Variants in TMEM132D observed in about 807,000 individuals in gnomAD.
The protein encoded by TMEM132D is transmembrane protein 132D.
A neutral mutation model predicts 62.3 loss-of-function variants in TMEM132D; 21 were observed. The observed-to-expected ratio is 0.34, with a 90% CI of 0.24 to 0.49. TMEM132D has a LOEUF of 0.49. Ranked by LOEUF, TMEM132D falls within the 20% of genes least tolerant of loss-of-function variation. TMEM132D has a pLI of 0.99. For missense variants in TMEM132D, 1,346 were observed against 1,402.8 expected, an observed-to-expected ratio of 0.96 and a Z score of 0.65; for synonymous variants, 621 against 575.6, an observed-to-expected ratio of 1.08 and a Z score of -1.13.
At chr12:129,593,034 A>T (rs1878238291) in intron 2 of TMEM132D, among the ~76,000 whole-genome samples, 1 of 152,186 alleles carries the variant, frequency 6.6e-6, no homozygotes, top group African/African-American at 2.4e-5. Flanking sequence ...ACATGGAGGT[A>T]TGGAAGTTAC....
intron 2 of TMEM132D, among the ~76,000 whole-genome samples, chr12:129,673,443 C>CT (rs1220100763): frequency 2.6e-5 from 4 of 152,166 alleles, no homozygotes; most frequent in Non-Finnish European, 5.9e-5. Flanking sequence ...ATCATAAAAA[C>CT]TTTTTACATT....
intron 3 of TMEM132D, among the ~76,000 whole-genome samples, chr12:129,356,654 C>CAAAAAATAAATAAATAAATA (rs34719078): frequency 1.8e-4 from 21 of 116,104 alleles, no homozygotes; most frequent in Non-Finnish European, 3.5e-4. Context: ...CCTGTCTCTA[C>CAAAAAATAAATAAATAAATA]AATAAATAAA....
chr12:129,709,543 G>C (rs138343863), intron 1 of TMEM132D, among the ~76,000 whole-genome samples: 221 of 152,282 alleles, frequency 1.5e-3, no homozygotes, highest in African/African-American at 5.0e-3. Context: ...CAAAGAAGTA[G>C]AAGCAAAAGG....
chr12:129,656,251 GA>G (rs778779824), intron 2 of TMEM132D, among the ~76,000 whole-genome samples: 4 of 150,898 alleles, frequency 2.7e-5, no homozygotes, highest in Non-Finnish European at 4.4e-5. Flanking sequence ...AGGAAGAAAA[GA>G]ATGAAGGAAG....
intron 1 of TMEM132D, among the ~76,000 whole-genome samples, chr12:129,765,138 T>C (rs971996215): frequency 3.3e-5 from 5 of 152,170 alleles, no homozygotes; most frequent in African/African-American, 1.2e-4. Flanking sequence ...AGGAAAATAT[T>C]TGTGCTTCAG....
chr12:129,699,903 A>G lies in TMEM132D; in HGVS notation c.875T>C (p.Ile292Thr). The G allele has an allele frequency of 6.2e-7, 1 of 1,614,136 alleles. No individual in the cohort carries two copies. Among genetic ancestry groups the G allele is most frequent in the Non-Finnish European group, 8.5e-7 (1 of 1,180,020 alleles). Residue 292 changes from isoleucine to threonine, a missense_variant, in exon 2 of 9, where the codon ATC (isoleucine) becomes ACC (threonine). Physicochemically the swap from Ile to Thr is moderately conservative, Grantham distance 89. Transcript: ENST00000422113. ...CCTCACGGTCTTTGGTATATAGTGG[A>G]TGGCCACGCTGTTGTCCAGACGCAG... The part of the protein sequence containing the change: ...RELRLDNSVA[I>T]HYIPKTVRKG...
At chr12:129,716,501 T>G (rs989745607) in intron 1 of TMEM132D, among the ~76,000 whole-genome samples, 3 of 152,200 alleles carry the variant, frequency 2.0e-5, no homozygotes, top group African/African-American at 7.2e-5. Context: ...TGCACTGAAT[T>G]TAGCCCAGAA....
At chr12:129,710,418 C>G (rs865888108) in intron 1 of TMEM132D, among the ~76,000 whole-genome samples, 7 of 152,108 alleles carry the variant, frequency 4.6e-5, no homozygotes, top group African/African-American at 1.7e-4. Flanking sequence ...GCCTCAGCCT[C>G]CCAAGTAGCT....
In TMEM132D at chr12:129,406,513, G is replaced by A. The variant is rs548012603; in HGVS notation, c.1116-68696C>T. On this transcript the variant is annotated intron_variant, in intron 3 of 8. Coordinates refer to ENST00000422113, the MANE Select transcript of TMEM132D (RefSeq NM_133448.3). ...CATGTGCCTGTAATCCCAGCTACTC[G>A]GGAGGCTAAGGCAGGAGAATGGCGT... is the stretch of plus-strand genomic sequence containing the variant. Among the ~76,000 whole-genome samples, 10 of 152,078 alleles carry A rather than the reference G, an allele frequency of 6.6e-5. No individual in the cohort carries two copies. The East Asian group carries it at 7.8e-4, about 12-fold the overall frequency.
At chr12:129,714,685 G>A (rs1407982221) in intron 1 of TMEM132D, among the ~76,000 whole-genome samples, 4 of 152,144 alleles carry the variant, frequency 2.6e-5, no homozygotes, top group South Asian at 2.1e-4. Context: ...ACTGTACATT[G>A]TAAATATATA....
chr12:129,288,850 T>C (rs1881371694), intron 4 of TMEM132D, among the ~76,000 whole-genome samples: 1 of 151,990 alleles, frequency 6.6e-6, no homozygotes, highest in Non-Finnish European at 1.5e-5. Context: ...AGTGAATGAG[T>C]AGATGAAGAA....
rs897689933 is a variant in TMEM132D, at chr12:129,553,124, C to T, written c.969-21919G>A. Among the ~76,000 whole-genome samples the T allele has an allele frequency of 3.9e-5, 6 of 152,122 alleles. No individual in the cohort carries two copies. The East Asian group carries it at 5.8e-4, about 15-fold the overall frequency. On this transcript the variant is annotated intron_variant, in intron 2 of 8. Transcript: ENST00000422113. ...CCAGGCTCTTCCCCTTTTGAGACTC[C>T]GAGAGTGTTGCGCGTTTGCTCCCAG...
intron 3 of TMEM132D, among the ~76,000 whole-genome samples, chr12:129,394,173 T>C (rs1389031763): frequency 6.6e-6 from 1 of 152,112 alleles, no homozygotes; most frequent in African/African-American, 2.4e-5. Flanking sequence ...TCCTCAGTGA[T>C]GGGTGGGAAA....
At chr12:129,162,061 G>C (rs1877415171) in intron 5 of TMEM132D, among the ~76,000 whole-genome samples, 1 of 152,102 alleles carries the variant, frequency 6.6e-6, no homozygotes, top group Admixed American at 6.5e-5. Flanking sequence ...GAGGGTTATG[G>C]GCTGAACTGT....
chr12:129,552,645 A>T (rs902514529), intron 2 of TMEM132D, among the ~76,000 whole-genome samples: 1 of 152,078 alleles, frequency 6.6e-6, no homozygotes, highest in Admixed American at 6.5e-5. Context: ...ACCTATCTAC[A>T]TAGCATCTAT....
intron 2 of TMEM132D, among the ~76,000 whole-genome samples, chr12:129,593,152 A>T (rs1878241568): frequency 6.6e-6 from 1 of 152,224 alleles, no homozygotes; most frequent in African/African-American, 2.4e-5. Context: ...TTTAGAAACA[A>T]GGGTATGTAA....
intron 2 of TMEM132D, among the ~76,000 whole-genome samples, chr12:129,672,904 C>G (rs927011057): frequency 6.6e-6 from 1 of 152,198 alleles, no homozygotes; most frequent in East Asian, 1.9e-4. Context: ...TGCACCACCA[C>G]GCCCAGCTAA....
intron 3 of TMEM132D, among the ~76,000 whole-genome samples, chr12:129,513,598 C>A (rs971497344): frequency 1.3e-5 from 2 of 151,060 alleles, no homozygotes; most frequent in Admixed American, 1.3e-4. Flanking sequence ...CATTCTCCTG[C>A]CTCAGCCTCC....
intron 3 of TMEM132D, among the ~76,000 whole-genome samples, chr12:129,445,600 C>T (rs1351695012): frequency 6.6e-6 from 1 of 152,096 alleles, no homozygotes; most frequent in East Asian, 1.9e-4. Flanking sequence ...ATTATAATCT[C>T]ATCCCATGAA....
Sources: allele counts gnomAD v4.1 joint callset (sites outside exome capture counted in the v4.1 genomes callset), GRCh38; gene constraint gnomAD v4.1.1; transcripts MANE v1.5; gene names NCBI Gene and HGNC (gene_info 2026-07-23, HGNC 2026-07-21).